Variants in MGAT4C observed in about 807,000 individuals in gnomAD.
The protein encoded by MGAT4C is alpha-1,3-mannosyl-glycoprotein 4-beta-N-acetylglucosaminyltransferase C.
MGAT4C carries 19 observed loss-of-function variants against 40.1 expected under a neutral mutation model. The ratio of observed to expected loss-of-function variants is 0.47; its 90% CI spans 0.33 to 0.70. The LOEUF is 0.70. Ranked by LOEUF, MGAT4C falls within the 30% of genes least tolerant of loss-of-function variation. The probability of loss-of-function intolerance (pLI) is 0.02; values close to 1 mark genes in which losing one functional copy is unlikely to be tolerated. For synonymous variants in MGAT4C, 181 were observed against 187.1 expected (o/e 0.97, Z 0.27); for missense variants, 491 against 563.2 (o/e 0.87, Z 1.30).
intron 2 of MGAT4C, among the ~76,000 whole-genome samples, chr12:86,444,414 C>T (rs1957295817): frequency 6.6e-6 from 1 of 152,118 alleles, no homozygotes; most frequent in Non-Finnish European, 1.5e-5. Flanking sequence ...TCTCCGGTTC[C>T]ATGGCTTTAC....
At chr12:86,350,335 C>T (rs1398109463) in intron 3 of MGAT4C, among the ~76,000 whole-genome samples, 1 of 152,094 alleles carries the variant, frequency 6.6e-6, no homozygotes, top group South Asian at 2.1e-4. Flanking sequence ...GTTTCTTTTG[C>T]TATTAGATTT....
chr12:86,219,578 TA>T (rs1422289347), intron 1 of MGAT4C, among the ~76,000 whole-genome samples: 2 of 152,306 alleles, frequency 1.3e-5, no homozygotes, highest in East Asian at 3.9e-4. Flanking sequence ...AAATAGTAGC[TA>T]AAACCTTATT....
At chr12:86,229,223 CTAAG>C (rs1392292230) in intron 1 of MGAT4C, among the ~76,000 whole-genome samples, 2 of 151,758 alleles carry the variant, frequency 1.3e-5, no homozygotes, top group African/African-American at 4.8e-5. Context: ...ATACAGCAAT[CTAAG>C]TAAATTTAGA....
At chr12:86,110,629 C>A (rs1412739317) in intron 1 of MGAT4C, among the ~76,000 whole-genome samples, 2 of 151,046 alleles carry the variant, frequency 1.3e-5, no homozygotes, top group Admixed American at 1.3e-4. Flanking sequence ...GCCTTATAGT[C>A]GATTTCTTCA....
chr12:86,228,200 T>C (rs1419126272), intron 1 of MGAT4C, among the ~76,000 whole-genome samples: 3 of 151,762 alleles, frequency 2.0e-5, no homozygotes, highest in Admixed American at 6.6e-5. Context: ...CTATTGGCTT[T>C]TCTGTAGACC....
intron 4 of MGAT4C, among the ~76,000 whole-genome samples, chr12:86,275,973 A>AAAAAAAAAAAAT (rs58474995): frequency 6.9e-6 from 1 of 144,812 alleles, no homozygotes; most frequent in South Asian, 2.2e-4. Context: ...AAAAAAAAAA[A>AAAAAAAAAAAAT]TTAGCCGGGC....
chr12:86,048,258 C>A (rs1375323367), intron 2 of MGAT4C, among the ~76,000 whole-genome samples: 2 of 151,974 alleles, frequency 1.3e-5, no homozygotes, highest in Non-Finnish European at 2.9e-5. Context: ...GGGCTAAACA[C>A]TGAGTACACA....
intron 1 of MGAT4C, among the ~76,000 whole-genome samples, chr12:86,050,046 G>A (rs1166519334): frequency 1.3e-5 from 2 of 151,724 alleles, no homozygotes; most frequent in African/African-American, 4.8e-5. Context: ...TACTATTGAC[G>A]TCTGTTAGTA....
At chr12:86,338,378 C>T (rs891950519) in intron 3 of MGAT4C, among the ~76,000 whole-genome samples, 4 of 152,116 alleles carry the variant, frequency 2.6e-5, no homozygotes, top group Non-Finnish European at 5.9e-5. Context: ...AAGCACTGCT[C>T]TTGGGAGCAG....
chr12:86,541,311 T>C (rs558208230), intron 2 of MGAT4C, among the ~76,000 whole-genome samples: 32 of 152,164 alleles, frequency 2.1e-4, no homozygotes, highest in Non-Finnish European at 4.4e-5. Flanking sequence ...AAAATCAGAC[T>C]AAATTTATGA....
chr12:86,819,310 C>A (rs927509168), intron 1 of MGAT4C, among the ~76,000 whole-genome samples: 3 of 149,912 alleles, frequency 2.0e-5, no homozygotes, highest in African/African-American at 7.3e-5. Flanking sequence ...ATGAATCTTC[C>A]TTTTTCTCTA....
intron 2 of MGAT4C, among the ~76,000 whole-genome samples, chr12:86,528,041 T>C (rs1207522030): frequency 6.6e-6 from 1 of 152,146 alleles, no homozygotes; most frequent in Non-Finnish European, 1.5e-5. Flanking sequence ...AAAGTATATA[T>C]CTTATCATGT....
At chr12:86,382,803 T>C (rs748832021) in intron 3 of MGAT4C, among the ~76,000 whole-genome samples, 15 of 152,158 alleles carry the variant, frequency 9.9e-5, no homozygotes, top group Non-Finnish European at 2.1e-4. Context: ...GAAGTTTCCA[T>C]GGGATTTTGA....
chr12:86,591,319 A>C (rs1468251939), intron 2 of MGAT4C, among the ~76,000 whole-genome samples: 2 of 152,020 alleles, frequency 1.3e-5, no homozygotes, highest in African/African-American at 4.8e-5. Context: ...TATTAATAGA[A>C]TAAGTGAGGA....
At chr12:86,730,825 TA>T (rs1565952732) in intron 1 of MGAT4C, among the ~76,000 whole-genome samples, 1 of 152,244 alleles carries the variant, frequency 6.6e-6, no homozygotes, top group East Asian at 1.9e-4. Context: ...CTCTTCCTTT[TA>T]AAAAATATTT....
intron 2 of MGAT4C, among the ~76,000 whole-genome samples, chr12:86,610,693 C>CGTCATTT (rs1962221777): frequency 6.6e-6 from 1 of 151,198 alleles, no homozygotes; most frequent in African/African-American, 2.4e-5. Context: ...CCCATTAACT[C>CGTCATTT]GTCATTTAGC....
At chr12:86,168,675 TC>T (rs1280872627) in intron 1 of MGAT4C, among the ~76,000 whole-genome samples, 1 of 152,132 alleles carries the variant, frequency 6.6e-6, no homozygotes, top group Non-Finnish European at 1.5e-5. Flanking sequence ...GATTAGATTA[TC>T]ATGTTGTAAA....
At chr12:86,695,341 A>G (rs1462534120) in intron 2 of MGAT4C, among the ~76,000 whole-genome samples, 1 of 152,228 alleles carries the variant, frequency 6.6e-6, no homozygotes, top group African/African-American at 2.4e-5. Flanking sequence ...TATTACAACA[A>G]CTATAGAGAA....
chr12:86,319,395 C>CCATCCCATTTCCA (rs796940695), intron 4 of MGAT4C, among the ~76,000 whole-genome samples: 44 of 152,228 alleles, frequency 2.9e-4, no homozygotes, highest in African/African-American at 1.0e-3. Context: ...CCCCAGCAAC[C>CCATCCCATTTCCA]CATCCCATTT....
Sources: allele counts gnomAD v4.1 joint callset (sites outside exome capture counted in the v4.1 genomes callset), GRCh38; gene constraint gnomAD v4.1.1; transcripts MANE v1.5; gene names NCBI Gene and HGNC (gene_info 2026-07-23, HGNC 2026-07-21).